The following ESR1 variants were observed in gnomAD, a reference collection of about 807,000 sequenced individuals.
The protein encoded by ESR1 is estrogen receptor 1.
In ESR1, 12 loss-of-function variants were observed where a neutral mutation model predicts 52.7. That is an observed-to-expected ratio of 0.23 (90% CI 0.15 to 0.37). ESR1 has a LOEUF of 0.37. Among genes scored for constraint, ESR1 ranks in the 10% least tolerant of loss-of-function variants. The probability of loss-of-function intolerance (pLI) is 1.00; values close to 1 mark genes in which losing one functional copy is unlikely to be tolerated. For synonymous variants in ESR1, 305 were observed against 316.8 expected (o/e 0.96, Z 0.39); for missense variants, 584 against 779.7 (o/e 0.75, Z 2.99).
intron 1 of ESR1, among the ~76,000 whole-genome samples, chr6:151,673,786 GT>G (rs1778159558): frequency 6.6e-6 from 1 of 152,092 alleles, no homozygotes; most frequent in Admixed American, 6.5e-5. Flanking sequence ...GGAGGATGAG[GT>G]GGGAGGATCA....
intron 1 of ESR1, among the ~76,000 whole-genome samples, chr6:151,810,316 G>A (rs1778604356): frequency 6.6e-6 from 1 of 152,100 alleles, no homozygotes; most frequent in South Asian, 2.1e-4. Flanking sequence ...GGGACTCTGT[G>A]TGGAAATTCA....
Position 151,880,787 on chromosome 6 carries a change from C to T in ESR1, c.760+16C>T, listed in dbSNP as rs1204156678. The T allele has an allele frequency of 7.2e-7, 1 of 1,395,696 alleles. No individual in the cohort carries two copies. Among genetic ancestry groups the T allele is most frequent in the Non-Finnish European group, 1.0e-6 (1 of 981,190 alleles). 86.5% of individuals were successfully genotyped at this position (1,395,696 alleles called of 1,614,324 possible). A position where few individuals can be genotyped will look rare whatever the true frequency, so the allele number is the denominator to read the frequency against. ...ATGAAAGGTGGTAGGTACATCTCTC[C>T]CAGGGGCCCTTGGGGATGGCCCTGG... On this transcript the variant is annotated intron_variant, in intron 3 of 7. Coordinates refer to ENST00000206249, the MANE Select transcript of ESR1 (RefSeq NM_000125.4).
chr6:151,899,348 G>A (rs1418205394), intron 3 of ESR1, among the ~76,000 whole-genome samples: 3 of 117,964 alleles, frequency 2.5e-5, no homozygotes, highest in East Asian at 2.7e-4. Flanking sequence ...CCAGGCGGGG[G>A]GCTGACCCCC....
At chr6:151,967,811 G>C (rs1318036989) in intron 4 of ESR1, among the ~76,000 whole-genome samples, 2 of 152,158 alleles carry the variant, frequency 1.3e-5, no homozygotes, top group Non-Finnish European at 2.9e-5. Context: ...CAGTGTAAAG[G>C]CATTCCTATT....
At chr6:151,891,646 T>C (rs1379996561) in intron 3 of ESR1, among the ~76,000 whole-genome samples, 1 of 152,220 alleles carries the variant, frequency 6.6e-6, no homozygotes, top group Non-Finnish European at 1.5e-5. Context: ...CCAAGTCTCC[T>C]GACCCATGGT....
At chr6:151,736,326 A>G (rs141975672) in intron 2 of ESR1, among the ~76,000 whole-genome samples, 115 of 151,636 alleles carry the variant, frequency 7.6e-4, no homozygotes, top group African/African-American at 2.7e-3. Flanking sequence ...TTTTTCTCCT[A>G]ATTTTAAAAG....
chr6:152,064,333 G>A (rs1327955667), intron 6 of ESR1, among the ~76,000 whole-genome samples: 1 of 152,210 alleles, frequency 6.6e-6, no homozygotes, highest in Non-Finnish European at 1.5e-5. Flanking sequence ...TGGAGACTCT[G>A]GGCCTGCCCA....
At chr6:151,673,069 G>T (rs1481838518) in intron 1 of ESR1, among the ~76,000 whole-genome samples, 4 of 149,824 alleles carry the variant, frequency 2.7e-5, no homozygotes, top group Non-Finnish European at 5.9e-5. Context: ...CTCGTGATCC[G>T]CCCGCCTCAG....
At chr6:152,055,079 T>C (rs1184933349) in intron 5 of ESR1, among the ~76,000 whole-genome samples, 1 of 152,168 alleles carries the variant, frequency 6.6e-6, no homozygotes, top group African/African-American at 2.4e-5. Flanking sequence ...TTTTTTTTGC[T>C]CATCTGTTGA....
intron 5 of ESR1, among the ~76,000 whole-genome samples, chr6:152,018,671 G>A (rs868665328): frequency 6.6e-6 from 1 of 152,004 alleles, no homozygotes; most frequent in East Asian, 1.9e-4. Context: ...GGCAGGAGAC[G>A]GCTTCAGGAA....
chr6:151,960,855 G>A (rs2037569816), intron 4 of ESR1, among the ~76,000 whole-genome samples: 1 of 152,162 alleles, frequency 6.6e-6, no homozygotes, highest in African/African-American at 2.4e-5. Flanking sequence ...ATGGAGACAT[G>A]GTGAGGAGTG....
chr6:151,790,551 G>A (rs949574465), intron 2 of ESR1, among the ~76,000 whole-genome samples: 8 of 151,458 alleles, frequency 5.3e-5, no homozygotes, highest in Admixed American at 2.6e-4. Context: ...ATGTGTGAGA[G>A]AGAAGAGAGA....
At chr6:151,748,585 T>C (rs1002317665) in intron 2 of ESR1, among the ~76,000 whole-genome samples, 3 of 152,156 alleles carry the variant, frequency 2.0e-5, no homozygotes, top group African/African-American at 7.2e-5. Context: ...GTGAAGATAT[T>C]CACAGGAAAA....
intron 1 of ESR1, among the ~76,000 whole-genome samples, chr6:151,697,175 TGAA>T (rs1779412447): frequency 6.6e-6 from 1 of 152,178 alleles, no homozygotes; most frequent in Admixed American, 6.5e-5. Context: ...AGTTTTCAGA[TGAA>T]GAGTGGGTAC....
intron 1 of ESR1, among the ~76,000 whole-genome samples, chr6:151,676,111 A>G (rs1778241724): frequency 6.6e-6 from 1 of 152,246 alleles, no homozygotes; most frequent in Non-Finnish European, 1.5e-5. Flanking sequence ...AGTAGGACAA[A>G]GAACTGGTGT....
At chr6:151,875,107 C>T (rs565467622) in intron 2 of ESR1, among the ~76,000 whole-genome samples, 1 of 152,306 alleles carries the variant, frequency 6.6e-6, no homozygotes, top group African/African-American at 2.4e-5. Context: ...AGAGGCAAGG[C>T]CTCAAAACGG....
chr6:152,109,441 G>A (rs918832041), intron 6 of ESR1, among the ~76,000 whole-genome samples: 3 of 151,870 alleles, frequency 2.0e-5, no homozygotes, highest in Non-Finnish European at 2.9e-5. Flanking sequence ...CAAGGCGGGC[G>A]GATCACCTGA....
At chr6:151,694,571 T>G (rs1779186792) in intron 1 of ESR1, among the ~76,000 whole-genome samples, 1 of 152,132 alleles carries the variant, frequency 6.6e-6, no homozygotes, top group South Asian at 2.1e-4. Flanking sequence ...GTGGATCACC[T>G]GAGGTCAAGA....
intron 1 of ESR1, among the ~76,000 whole-genome samples, chr6:151,839,061 G>A (rs940393798): frequency 7.2e-5 from 11 of 152,136 alleles, no homozygotes; most frequent in African/African-American, 2.4e-4. Flanking sequence ...CCTATTCCAA[G>A]TGAGGCACTA....
Sources: gnomAD v4.1 joint callset for allele counts (sites outside exome capture counted in the v4.1 genomes callset) on GRCh38, gnomAD v4.1.1 for gene constraint, MANE v1.5 for transcripts, NCBI Gene and HGNC (gene_info 2026-07-23, HGNC 2026-07-21) for gene names.